Variants in SNX2 observed in about 807,000 individuals in gnomAD.
The protein encoded by SNX2 is sorting nexin 2, also known as sorting nexin-2.
SNX2 carries 25 observed loss-of-function variants against 69.9 expected under a neutral mutation model. The observed-to-expected ratio is 0.36, with a 90% CI of 0.26 to 0.50. The LOEUF is 0.50. SNX2 is among the 20% of genes least tolerant of loss of function. SNX2 has a pLI of 0.97. For missense variants in SNX2, 551 were observed against 613.3 expected (o/e 0.90, Z 1.07); for synonymous variants, 229 against 200.4 (o/e 1.14, Z -1.20).
chr5:122,812,879 C>G (rs1753811859), intron 7 of SNX2, among the ~76,000 whole-genome samples: 3 of 152,194 alleles, frequency 2.0e-5, no homozygotes, highest in Non-Finnish European at 4.4e-5. Context: ...GTTTTAGTTT[C>G]AAGCAAGATA....
chr5:122,820,636 A>G (rs970417215), intron 11 of SNX2, among the ~76,000 whole-genome samples: 1 of 152,142 alleles, frequency 6.6e-6, no homozygotes, highest in Non-Finnish European at 1.5e-5. Context: ...TCCCTCAAAA[A>G]TAGCTTTCCT....
At chr5:122,778,482 TTTG>T (rs1752902286) in intron 1 of SNX2, among the ~76,000 whole-genome samples, 1 of 152,078 alleles carries the variant, frequency 6.6e-6, no homozygotes, top group South Asian at 2.1e-4. Context: ...TTTGCTAGCA[TTTG>T]TTATTTTTTG....
intron 1 of SNX2, among the ~76,000 whole-genome samples, chr5:122,791,843 G>A (rs1375430556): frequency 6.6e-6 from 1 of 152,226 alleles, no homozygotes; most frequent in Non-Finnish European, 1.5e-5. Context: ...GCTAGATACT[G>A]AGTAAAGAGT....
chr5:122,793,319 T>TA (rs1244437879), intron 1 of SNX2, among the ~76,000 whole-genome samples: 1 of 152,086 alleles, frequency 6.6e-6, no homozygotes, highest in African/African-American at 2.4e-5. Flanking sequence ...CACAGAACAA[T>TA]ATGGAAGAAT....
intron 10 of SNX2, among the ~76,000 whole-genome samples, chr5:122,817,644 A>G (rs1419077026): frequency 6.6e-6 from 1 of 152,132 alleles, no homozygotes; most frequent in Non-Finnish European, 1.5e-5. Flanking sequence ...AGAAAACTAT[A>G]TTTGAATTTT....
At chr5:122,783,103 A>T (rs1753012410) in intron 1 of SNX2, among the ~76,000 whole-genome samples, 1 of 144,184 alleles carries the variant, frequency 6.9e-6, no homozygotes, top group Non-Finnish European at 1.5e-5. Context: ...TGCCCAGCTA[A>T]TTTTTTTTTT....
At chr5:122,775,055 G>T (rs1752822462), upstream of SNX2, 1 of 1,534,810 alleles carries the variant, frequency 6.5e-7, no homozygotes. Flanking sequence ...GCGTGCTCAC[G>T]TGACGGGTCC....
rs1035755965 is a variant in SNX2 at position 122,830,690 on chromosome 5, T to G, written c.*1042T>G. On this transcript the variant is annotated 3_prime_UTR_variant, in exon 15 of 15. Transcript: ENST00000379516. ...ATTCTGTATGCTACTTAGACAGCTG[T>G]TATCTAATCCTTAATGCTGATGAAA... Among the ~76,000 whole-genome samples, 3 of 152,166 alleles carry G rather than the reference T, an allele frequency of 2.0e-5. No homozygotes were observed. Among genetic ancestry groups the G allele is most frequent in the South Asian group, 2.1e-4 (1 of 4,828 alleles).
At chr5:122,809,123 C>T (rs573822206) in intron 7 of SNX2, among the ~76,000 whole-genome samples, 2 of 152,196 alleles carry the variant, frequency 1.3e-5, no homozygotes, top group African/African-American at 4.8e-5. Context: ...TCATTATTGT[C>T]TAAACAATAC....
chr5:122,826,025 A>G (rs1754140656), intron 11 of SNX2, 25 bp from the exon 12 acceptor site: 3 of 1,595,604 alleles, frequency 1.9e-6, no homozygotes, highest in Non-Finnish European at 2.6e-6. Context: ...CTCTTACTTA[A>G]TAGCATTATG....
chr5:122,790,955 G>A (rs757352295), intron 1 of SNX2, among the ~76,000 whole-genome samples: 1 of 152,118 alleles, frequency 6.6e-6, no homozygotes, highest in Non-Finnish European at 1.5e-5. Flanking sequence ...TACTGGGGAA[G>A]CTTCAAATTT....
chr5:122,801,164 G>C (rs1425738260), intron 3 of SNX2, among the ~76,000 whole-genome samples: 1 of 152,154 alleles, frequency 6.6e-6, no homozygotes, highest in Non-Finnish European at 1.5e-5. Context: ...AGGGTAGAGA[G>C]AGAACTTTGA....
In SNX2 at chr5:122,823,808, G is replaced by A. The variant is rs557845412; in HGVS notation, c.1213-2242G>A. 8.3e-3 allele frequency among the ~76,000 whole-genome samples: 1,230 copies of A among 148,600 alleles called. 17 individuals carry two copies. Among genetic ancestry groups the A allele is most frequent in the African/African-American group, 0.029 (1,163 of 39,522 alleles). On this transcript the variant is annotated intron_variant, in intron 11 of 14. Coordinates refer to ENST00000379516, the MANE Select transcript of SNX2 (RefSeq NM_003100.4). The stretch of plus-strand genomic sequence containing the variant: ...TGTGTGTGTGTGTGTGTGTGTGTGT[G>A]TGTATGTGTAGGAAGTGAGAGGGAT...
chr5:122,813,842 C>T (rs573725671), intron 7 of SNX2, among the ~76,000 whole-genome samples: 130 of 145,092 alleles, frequency 9.0e-4, no homozygotes, highest in Admixed American at 2.0e-3. Context: ...GGTGCAATCT[C>T]GGCTCACTGC....
intron 1 of SNX2, among the ~76,000 whole-genome samples, chr5:122,792,455 G>T (rs1753263807): frequency 6.6e-6 from 1 of 152,156 alleles, no homozygotes; most frequent in East Asian, 1.9e-4. Flanking sequence ...AAATTAGCTG[G>T]GTGTGGTGGC....
At chr5:122,789,046 C>T (rs1026710025) in intron 1 of SNX2, among the ~76,000 whole-genome samples, 12 of 152,120 alleles carry the variant, frequency 7.9e-5, no homozygotes, top group Admixed American at 4.6e-4. Context: ...TTATAATCCT[C>T]TGGAGACTAT....
chr5:122,817,255 G>A, intron 9 of SNX2, 25 bp from the exon 10 acceptor site: 1 of 1,596,858 alleles, frequency 6.3e-7, no homozygotes, highest in Non-Finnish European at 8.6e-7. Context: ...TCCTAAATTA[G>A]CTCCATTTTT....
chr5:122,820,822 G>A (rs1754008142), intron 11 of SNX2, among the ~76,000 whole-genome samples: 1 of 152,196 alleles, frequency 6.6e-6, no homozygotes, highest in South Asian at 2.1e-4. Flanking sequence ...CCTTTTAAAA[G>A]CTCAGAACTG....
intron 2 of SNX2, 27 bp from the exon 3 acceptor site, chr5:122,799,665 T>TA: frequency 6.3e-7 from 1 of 1,591,734 alleles, no homozygotes; most frequent in East Asian, 2.3e-5. Context: ...CCAGTGTTCT[T>TA]AACTAACTTG....
Sources: gnomAD v4.1 joint callset for allele counts (sites outside exome capture counted in the v4.1 genomes callset) on GRCh38, gnomAD v4.1.1 for gene constraint, MANE v1.5 for transcripts, NCBI Gene and HGNC (gene_info 2026-07-23, HGNC 2026-07-21) for gene names.